The following PRELID2 variants were observed in gnomAD, a reference collection of about 807,000 sequenced individuals.
PRELID2 encodes the protein PRELI domain-containing protein 2.
Under a neutral mutation model 28.4 loss-of-function variants are expected in PRELID2, and 25 were observed. The ratio of observed to expected loss-of-function variants is 0.88; its 90% CI spans 0.64 to 1.23. PRELID2 has a LOEUF of 1.23. PRELID2 is among the 50% of genes most tolerant of loss of function. PRELID2 has a pLI of 0.00. For missense variants in PRELID2, 201 were observed against 214.4 expected, an observed-to-expected ratio of 0.94 and a Z score of 0.39; for synonymous variants, 76 against 71.6, an observed-to-expected ratio of 1.06 and a Z score of -0.31.
chr5:145,253,787 C>A, the PRELID2 span, among the ~76,000 whole-genome samples: 3 of 151,388 alleles, frequency 2.0e-5, no homozygotes, highest in Non-Finnish European at 4.4e-5. Flanking sequence ...ATAAGCCAAG[C>A]CAACTAAAGT....
chr5:145,789,468 G>C (rs576971592), intron 5 of PRELID2, among the ~76,000 whole-genome samples: 1 of 152,060 alleles, frequency 6.6e-6, no homozygotes, highest in Non-Finnish European at 1.5e-5. Context: ...AATTGGACCT[G>C]TATCTCACAC....
At chr5:145,544,208 CCCA>C (rs1417133016) in intron 1 of PRELID2, among the ~76,000 whole-genome samples, 7 of 151,904 alleles carry the variant, frequency 4.6e-5, no homozygotes, top group African/African-American at 1.7e-4. Flanking sequence ...ATGATAAGGA[CCCA>C]TTAAGTACAT....
At chr5:145,741,950 T>A (rs1331528183) in intron 1 of PRELID2, among the ~76,000 whole-genome samples, 1 of 6,392 alleles carries the variant, frequency 1.6e-4, no homozygotes, top group African/African-American at 2.3e-4. Context: ...TAAATAAATT[T>A]ATTATAATTA....
chr5:145,400,380 CTT>C, the PRELID2 span, among the ~76,000 whole-genome samples: 1 of 152,086 alleles, frequency 6.6e-6, no homozygotes, highest in South Asian at 2.1e-4. Context: ...CTGAGAGAAA[CTT>C]TTCCTCATTC....
At chr5:145,698,912 A>T (rs1373166104) in intron 1 of PRELID2, among the ~76,000 whole-genome samples, 2 of 152,154 alleles carry the variant, frequency 1.3e-5, no homozygotes, top group Non-Finnish European at 2.9e-5. Flanking sequence ...GTTTTAGTAG[A>T]GACGAGGTTT....
At chr5:145,334,916 CTT>C in the PRELID2 span, among the ~76,000 whole-genome samples, 2 of 151,870 alleles carry the variant, frequency 1.3e-5, no homozygotes, top group African/African-American at 4.8e-5. Context: ...AAAATTCTCT[CTT>C]TTTCTTTTGA....
chr5:145,676,092 T>G (rs1386012002), intron 1 of PRELID2, among the ~76,000 whole-genome samples: 1 of 151,592 alleles, frequency 6.6e-6, no homozygotes, highest in African/African-American at 2.4e-5. Flanking sequence ...TGGTGGCACA[T>G]GCCTGTAATC....
chr5:145,594,148 GCTTA>G (rs1255474390), intron 1 of PRELID2, among the ~76,000 whole-genome samples: 45 of 151,986 alleles, frequency 3.0e-4, no homozygotes, highest in Non-Finnish European at 2.9e-5. Flanking sequence ...ATCCATAGAG[GCTTA>G]CTATGATATT....
At chr5:145,242,846 A>G in the PRELID2 span, among the ~76,000 whole-genome samples, 16 of 152,218 alleles carry the variant, frequency 1.1e-4, no homozygotes, top group African/African-American at 3.8e-4. Context: ...ACAAATGTCT[A>G]GGCTAATAAA....
At chr5:145,593,227 A>G (rs973816735) in intron 1 of PRELID2, among the ~76,000 whole-genome samples, 2 of 152,216 alleles carry the variant, frequency 1.3e-5, no homozygotes, top group Non-Finnish European at 2.9e-5. Context: ...GAAACAAGGA[A>G]GGACTCAGTA....
intron 1 of PRELID2, among the ~76,000 whole-genome samples, chr5:145,603,039 C>T (rs1413006450): frequency 6.6e-6 from 1 of 151,812 alleles, no homozygotes; most frequent in Non-Finnish European, 1.5e-5. Context: ...GTGACAAGAG[C>T]AAAACTCCAT....
At chr5:145,391,571 C>T in the PRELID2 span, among the ~76,000 whole-genome samples, 2 of 152,118 alleles carry the variant, frequency 1.3e-5, no homozygotes, top group African/African-American at 4.8e-5. Flanking sequence ...CTGTGAAGGT[C>T]TCTGACATGC....
At chr5:145,358,014 T>A in the PRELID2 span, among the ~76,000 whole-genome samples, 1 of 151,842 alleles carries the variant, frequency 6.6e-6, no homozygotes, top group Admixed American at 6.6e-5. Context: ...TGCTCTTGGG[T>A]CTTGGACGAG....
intron 1 of PRELID2, among the ~76,000 whole-genome samples, chr5:145,748,061 G>A (rs1053848463): frequency 6.6e-6 from 1 of 152,122 alleles, no homozygotes; most frequent in African/African-American, 2.4e-5. Context: ...CATATTGAAG[G>A]GACAAAAGCT....
chr5:145,672,318 G>T (rs1754723356), intron 1 of PRELID2, among the ~76,000 whole-genome samples: 1 of 152,144 alleles, frequency 6.6e-6, no homozygotes, highest in East Asian at 1.9e-4. Context: ...GAAATGTTTG[G>T]ATAGACCTAG....
At chr5:145,468,486 C>T (rs1391504350), downstream of PRELID2, among the ~76,000 whole-genome samples, 2 of 152,094 alleles carry the variant, frequency 1.3e-5, no homozygotes, top group East Asian at 1.9e-4. Flanking sequence ...CTTGAGGAAT[C>T]GCCACACTGT....
At chr5:145,259,164 G>A in the PRELID2 span, among the ~76,000 whole-genome samples, 1 of 152,216 alleles carries the variant, frequency 6.6e-6, no homozygotes, top group African/African-American at 2.4e-5. Flanking sequence ...AAAATACTGG[G>A]TGCCCAGGCA....
chr5:145,487,928 T>C (rs1314478928), intron 1 of PRELID2, among the ~76,000 whole-genome samples: 2 of 151,526 alleles, frequency 1.3e-5, no homozygotes, highest in Non-Finnish European at 2.9e-5. Context: ...ATCGAGACCA[T>C]CCTGGCTAAC....
chr5:145,263,118 C>T, the PRELID2 span, among the ~76,000 whole-genome samples: 36 of 152,182 alleles, frequency 2.4e-4, no homozygotes, highest in African/African-American at 7.9e-4. Flanking sequence ...TAAAAAAACT[C>T]ACCCAACAGG....
Sources: allele counts gnomAD v4.1 joint callset (sites outside exome capture counted in the v4.1 genomes callset), GRCh38; gene constraint gnomAD v4.1.1; transcripts MANE v1.5; gene names NCBI Gene and HGNC (gene_info 2026-07-23, HGNC 2026-07-21).